The following JMY variants were observed in gnomAD, a reference collection of about 807,000 sequenced individuals.
JMY encodes junction-mediating and -regulatory protein.
In JMY, 46 loss-of-function variants were observed where a neutral mutation model predicts 103.3. The ratio of observed to expected loss-of-function variants is 0.45; its 90% CI spans 0.35 to 0.57. The LOEUF is 0.57. Among genes scored for constraint, JMY ranks in the 20% least tolerant of loss-of-function variants. The probability of loss-of-function intolerance (pLI) is 0.00; values close to 1 mark genes in which losing one functional copy is unlikely to be tolerated. For missense variants in JMY, 1,238 were observed against 1,255.2 expected (o/e 0.99, Z 0.21); for synonymous variants, 526 against 489.3 (o/e 1.07, Z -0.99).
chr5:79,296,969 C>T (rs1746581117), intron 4 of JMY, among the ~76,000 whole-genome samples: 1 of 152,208 alleles, frequency 6.6e-6, no homozygotes, highest in Admixed American at 6.5e-5. Flanking sequence ...GTATGTTGTA[C>T]TTACATGGAT....
intron 1 of JMY, among the ~76,000 whole-genome samples, chr5:79,240,628 A>G (rs1315508799): frequency 6.6e-6 from 1 of 152,230 alleles, no homozygotes; most frequent in African/African-American, 2.4e-5. Context: ...TTTGAAAAAT[A>G]GCCATCAAGG....
intron 2 of JMY, among the ~76,000 whole-genome samples, chr5:79,285,920 T>G (rs1746254331): frequency 6.6e-6 from 1 of 151,980 alleles, no homozygotes; most frequent in Non-Finnish European, 1.5e-5. Flanking sequence ...GTCAGGTAAT[T>G]TGTATTTATA....
intron 1 of JMY, among the ~76,000 whole-genome samples, chr5:79,266,380 C>T (rs574724588): frequency 4.1e-4 from 62 of 152,216 alleles, no homozygotes; most frequent in Non-Finnish European, 7.5e-4. Context: ...CCACAAATAT[C>T]GTTCTTTCTT....
intron 1 of JMY, among the ~76,000 whole-genome samples, chr5:79,254,232 C>T (rs1164244537): frequency 1.3e-5 from 2 of 152,024 alleles, no homozygotes; most frequent in Non-Finnish European, 2.9e-5. Flanking sequence ...GCTGGGATTA[C>T]AGGCATGAGC....
chr5:79,302,519 A>G (rs1203961401), intron 6 of JMY, among the ~76,000 whole-genome samples: 3 of 152,186 alleles, frequency 2.0e-5, no homozygotes, highest in Non-Finnish European at 4.4e-5. Flanking sequence ...TAACATCTGA[A>G]TAGAAATTGG....
chr5:79,314,309 C>G lies in JMY; in HGVS notation c.2117C>G (p.Ala706Gly). ...TCAACCAGATTACGACTAGCTCATG[C>G]AAGAAGAAAAGGTGCAGCAAGTCCT... ...LKSTRLRLAH[A>G]RRKGAASPVL... The change falls in exon 9 of 11, where the codon GCA (alanine) becomes GGA (glycine). Residue 706 changes from alanine (A) to glycine (G), a missense_variant. By Grantham distance (60) the Ala-to-Gly change is moderately conservative (BLOSUM62 0). Coordinates refer to ENST00000396137, the MANE Select transcript of JMY (RefSeq NM_152405.5). 1 of 1,614,106 alleles carries G rather than the reference C, an allele frequency of 6.2e-7. No individual in the cohort carries two copies. Among genetic ancestry groups the G allele is most frequent in the Non-Finnish European group, 8.5e-7 (1 of 1,179,986 alleles).
At chr5:79,310,217 C>T (rs1041749194) in intron 7 of JMY, among the ~76,000 whole-genome samples, 2 of 151,922 alleles carry the variant, frequency 1.3e-5, no homozygotes, top group Non-Finnish European at 2.9e-5. Flanking sequence ...CACATGCCAC[C>T]ACACCTGGCT....
At chr5:79,282,136 G>T (rs1746135420) in intron 2 of JMY, among the ~76,000 whole-genome samples, 1 of 152,112 alleles carries the variant, frequency 6.6e-6, no homozygotes, top group South Asian at 2.1e-4. Context: ...GAACCTGGGA[G>T]GTGGAGCTTG....
At chr5:79,238,995 T>A (rs1176087993) in intron 1 of JMY, among the ~76,000 whole-genome samples, 2 of 152,208 alleles carry the variant, frequency 1.3e-5, no homozygotes, top group African/African-American at 4.8e-5. Context: ...TTTATATTCC[T>A]AAGATTGTGT....
chr5:79,239,142 T>C (rs753779175), intron 1 of JMY, among the ~76,000 whole-genome samples: 7 of 152,238 alleles, frequency 4.6e-5, no homozygotes, highest in Non-Finnish European at 1.5e-5. Context: ...GTTTCTCACT[T>C]ATACCATAGT....
intron 1 of JMY, among the ~76,000 whole-genome samples, chr5:79,246,246 G>A (rs189494258): frequency 2.6e-5 from 4 of 152,084 alleles, no homozygotes; most frequent in Middle Eastern, 3.4e-3. Flanking sequence ...ATTTCTCTAG[G>A]CCTATCTTTC....
At chr5:79,240,189 T>C (rs865882594) in intron 1 of JMY, among the ~76,000 whole-genome samples, 1 of 151,744 alleles carries the variant, frequency 6.6e-6, no homozygotes, top group Non-Finnish European at 1.5e-5. Flanking sequence ...CTAATTTTTG[T>C]ATTTTTAGTA....
chr5:79,307,946 A>T (rs1009256203), intron 7 of JMY, among the ~76,000 whole-genome samples: 22 of 152,288 alleles, frequency 1.4e-4, no homozygotes, highest in African/African-American at 5.1e-4. Context: ...CATGTTGGCC[A>T]GGCTGGTCTT....
intron 2 of JMY, chr5:79,284,066 T>A (rs1746199047): frequency 1.9e-6 from 2 of 1,048,564 alleles, no homozygotes; most frequent in African/African-American, 1.7e-5. Flanking sequence ...TTTTTATTTT[T>A]TTATTTTATT....
rs1331699364 is a variant in JMY at position 79,325,342 on chromosome 5, G to T, written c.*3740G>T. On this transcript the variant is annotated 3_prime_UTR_variant, in exon 11 of 11. Transcript: ENST00000396137. Reference sequence around the variant, plus strand: ...CTATCAGGGAGTTGAAATTTCATACGCTTTACCAGGTTACTTGTAAAAAAT... The same window carrying T: ...CTATCAGGGAGTTGAAATTTCATACTCTTTACCAGGTTACTTGTAAAAAAT... 1 of 152,048 alleles carries T rather than the reference G, an allele frequency of 6.6e-6. No homozygotes were observed. The highest frequency in any genetic ancestry group is 2.4e-5 in the African/African-American group (1 of 41,406). 9.4% of individuals were successfully genotyped at this position (152,048 alleles called of 1,614,324 possible). A position where few individuals can be genotyped will look rare whatever the true frequency, so the allele number is the denominator to read the frequency against.
chr5:79,290,106 T>A lies in JMY; in HGVS notation c.1207-15T>A, dbSNP rs1205512952. 1 of 1,557,016 alleles carries A rather than the reference T, an allele frequency of 6.4e-7. No individual in the cohort carries two copies. The highest frequency in any genetic ancestry group is 1.4e-5 in the African/African-American group (1 of 72,402). ...AAGACTTGAACTTCTTAATTTTTTC[T>A]TTTTCTCTCTGAAGATTTCCATGGA... On this transcript the variant is annotated splice_polypyrimidine_tract_variant and intron_variant, in intron 2 of 10. Coordinates refer to ENST00000396137, the MANE Select transcript of JMY (RefSeq NM_152405.5).
chr5:79,295,530 G>T (rs535552460), intron 4 of JMY, among the ~76,000 whole-genome samples: 8 of 152,332 alleles, frequency 5.3e-5, no homozygotes, highest in African/African-American at 1.9e-4. Flanking sequence ...TACTATAATT[G>T]TATGTTATGT....
intron 1 of JMY, among the ~76,000 whole-genome samples, chr5:79,249,651 A>T (rs1745015169): frequency 6.6e-6 from 1 of 152,162 alleles, no homozygotes; most frequent in Non-Finnish European, 1.5e-5. Flanking sequence ...AAAAATTGAA[A>T]ACTGGAAGGA....
chr5:79,274,883 A>C (rs1404645368), intron 1 of JMY, among the ~76,000 whole-genome samples: 1 of 152,216 alleles, frequency 6.6e-6, no homozygotes, highest in Non-Finnish European at 1.5e-5. Context: ...GATTGGATTC[A>C]GATGTCAAAC....
Sources: allele counts gnomAD v4.1 joint callset (sites outside exome capture counted in the v4.1 genomes callset), GRCh38; gene constraint gnomAD v4.1.1; transcripts MANE v1.5; gene names NCBI Gene and HGNC (gene_info 2026-07-23, HGNC 2026-07-21).